CHUK: variants seen among roughly 807,000 people sequenced by gnomAD.
The protein encoded by CHUK is component of inhibitor of nuclear factor kappa B kinase complex.
In CHUK, 35 loss-of-function variants were observed where a neutral mutation model predicts 104.8. The observed-to-expected ratio is 0.33, with a 90% confidence interval of 0.26 to 0.44. The LOEUF is 0.44. Ranked by LOEUF, CHUK falls within the 20% of genes least tolerant of loss-of-function variation. The pLI is 1.00. For synonymous variants in CHUK, 276 were observed against 291.9 expected (o/e 0.95, Z 0.56); for missense variants, 663 against 902.7 (o/e 0.73, Z 3.40).
chr10:100,191,743 T>C (rs897616675), intron 19 of CHUK, among the ~76,000 whole-genome samples: 2 of 152,220 alleles, frequency 1.3e-5, no homozygotes, highest in African/African-American at 4.8e-5. Context: ...ATCCAACAGA[T>C]GGAAAAATTA....
In CHUK at chr10:100,209,793, T is replaced by A; in HGVS notation, c.934-4A>T. 8.0e-7 allele frequency: 1 copy of A among 1,248,982 alleles called. No individual in the cohort carries two copies. The highest frequency in any genetic ancestry group is 1.7e-5 in the Admixed American group (1 of 58,274). 77.4% of individuals were successfully genotyped at this position (1,248,982 alleles called of 1,614,324 possible). The stretch of plus-strand genomic sequence containing the variant: ...TCATATTTAGGATGTGTACTATCTG[T>A]ATAAATAAGAAAAAAAGGTAAAGTT... On this transcript the variant is annotated splice_region_variant and splice_polypyrimidine_tract_variant and intron_variant, in intron 9 of 20. Coordinates refer to ENST00000370397, the MANE Select transcript of CHUK (RefSeq NM_001278.5).
chr10:100,193,212 A>G, intron 19 of CHUK, 86 bp downstream of exon 19: 1 of 1,460,320 alleles, frequency 6.8e-7, no homozygotes, highest in Non-Finnish European at 9.6e-7. Context: ...GTCTGAAGGC[A>G]CAGAAGACTA....
chr10:100,228,871 A>C (rs1487338999), intron 1 of CHUK, among the ~76,000 whole-genome samples: 5 of 151,878 alleles, frequency 3.3e-5, no homozygotes, highest in African/African-American at 1.2e-4. Flanking sequence ...CCTGGAATAC[A>C]TCCCCAATTC....
At chr10:100,221,648 G>C (rs890967383) in intron 4 of CHUK, among the ~76,000 whole-genome samples, 1 of 151,908 alleles carries the variant, frequency 6.6e-6, no homozygotes. Flanking sequence ...GTTTCTTTTT[G>C]TGTGTGTGTG....
In CHUK at chr10:100,193,407, C is replaced by T. The variant is rs773085661; in HGVS notation, c.1999G>A (p.Val667Ile). The change falls in exon 19 of 21, where the codon GTA becomes ATA. Residue 667 changes from valine (V) to isoleucine (I), a missense_variant. Coordinates refer to ENST00000370397, the MANE Select transcript of CHUK (RefSeq NM_001278.5). Reference sequence around the variant, plus strand: ...ACTGCACCTTCTAGACTGGATCCTACAAGGGACCGGGCAGAACTCTGTGTC... The same window carrying T: ...ACTGCACCTTCTAGACTGGATCCTATAAGGGACCGGGCAGAACTCTGTGTC... ...ACTQSSARSL[V>I]GSSLEGAVTP... 1.2e-6 allele frequency: 2 copies of T among 1,614,070 alleles called. No individual in the cohort carries two copies. Among genetic ancestry groups the T allele is most frequent in the South Asian group, 2.2e-5 (2 of 91,088 alleles).
intron 16 of CHUK, among the ~76,000 whole-genome samples, chr10:100,199,379 T>G (rs980656996): frequency 6.6e-6 from 1 of 152,124 alleles, no homozygotes; most frequent in Non-Finnish European, 1.5e-5. Flanking sequence ...CAGGCTGGAG[T>G]GCAGTGGTGT....
chr10:100,213,362 T>G (rs1845773877), intron 9 of CHUK, among the ~76,000 whole-genome samples: 1 of 151,888 alleles, frequency 6.6e-6, no homozygotes, highest in Non-Finnish European at 1.5e-5. Context: ...CGCACACCTG[T>G]AATTCCAACT....
At chr10:100,224,364 C>T (rs1846057905) in intron 2 of CHUK, among the ~76,000 whole-genome samples, 1 of 152,216 alleles carries the variant, frequency 6.6e-6, no homozygotes, top group Admixed American at 6.5e-5. Context: ...AAGCCACTCC[C>T]AAATTCCTAA....
At chr10:100,201,185 G>A (rs1187722057) in intron 14 of CHUK, among the ~76,000 whole-genome samples, 1 of 152,090 alleles carries the variant, frequency 6.6e-6, no homozygotes, top group Non-Finnish European at 1.5e-5. Context: ...AAAAGATAAA[G>A]AACTTGGATT....
chr10:100,221,906 G>T (rs1371378623), intron 4 of CHUK, among the ~76,000 whole-genome samples: 1 of 152,128 alleles, frequency 6.6e-6, no homozygotes, highest in African/African-American at 2.4e-5. Context: ...AAAGTGCTGG[G>T]ATTACAGGCG....
At chr10:100,200,077 C>A (rs1845427322) in intron 15 of CHUK, 57 bp from the exon 16 acceptor site, 1 of 1,236,716 alleles carries the variant, frequency 8.1e-7, no homozygotes, top group Non-Finnish European at 1.2e-6. Flanking sequence ...CTTCAATAAT[C>A]TACAACTTGA....
Position 100,229,524 on chromosome 10 carries a change from C to G in CHUK, c.9G>C (p.Arg3=). 1 of 1,545,430 alleles carries G rather than the reference C, an allele frequency of 6.5e-7. No individual in the cohort carries two copies. The highest frequency in any genetic ancestry group is 2.4e-5 in the East Asian group (1 of 41,502). ME[R]PPGLRPGAGG... ...CCGCGCCCGGCCGCAGCCCCGGGGG[C>G]CGCTCCATGGGGCGGGAGGGCAAGC... The change falls in exon 1 of 21, where the codon CGG becomes CGC. Residue 3 remains arginine (R), a synonymous_variant. Transcript: ENST00000370397.
chr10:100,210,268 T>C (rs1845699863), intron 9 of CHUK, among the ~76,000 whole-genome samples: 2 of 151,024 alleles, frequency 1.3e-5, no homozygotes, highest in South Asian at 2.1e-4. Flanking sequence ...TTTGTATTTT[T>C]AGTAGAGACG....
intron 9 of CHUK, among the ~76,000 whole-genome samples, chr10:100,210,236 C>T (rs1470960047): frequency 2.0e-5 from 3 of 150,242 alleles, no homozygotes; most frequent in Admixed American, 6.6e-5. Flanking sequence ...TACAGGCGCC[C>T]GCCACTACGC....
intron 9 of CHUK, among the ~76,000 whole-genome samples, chr10:100,215,525 C>CA (rs145760870): frequency 0.068 from 10,060 of 147,968 alleles, 553 homozygotes; most frequent in African/African-American, 0.15. Context: ...AAAGAGGAGG[C>CA]AAAAAAAAAT....
intron 9 of CHUK, among the ~76,000 whole-genome samples, chr10:100,213,413 G>A (rs1326258088): frequency 1.3e-5 from 2 of 151,824 alleles, no homozygotes; most frequent in African/African-American, 2.4e-5. Context: ...TTGAGTCTGG[G>A]AGGTGAAAGT....
intron 11 of CHUK, among the ~76,000 whole-genome samples, chr10:100,205,404 T>C (rs1197389520): frequency 6.6e-6 from 1 of 152,144 alleles, no homozygotes; most frequent in African/African-American, 2.4e-5. Flanking sequence ...TAAGCCCCGC[T>C]CCACATACAA....
At chr10:100,212,801 T>TC (rs1793787516) in intron 9 of CHUK, among the ~76,000 whole-genome samples, 1 of 151,616 alleles carries the variant, frequency 6.6e-6, no homozygotes, top group South Asian at 2.1e-4. Flanking sequence ...GGTCAGGAGT[T>TC]CAAGACCAGC....
intron 5 of CHUK, among the ~76,000 whole-genome samples, chr10:100,219,995 A>T (rs1470419987): frequency 1.3e-5 from 2 of 152,038 alleles, no homozygotes; most frequent in Non-Finnish European, 2.9e-5. Flanking sequence ...CAAGGTTCAG[A>T]CTCTTGGCCT....
Sources: gnomAD v4.1 joint callset for allele counts (sites outside exome capture counted in the v4.1 genomes callset) on GRCh38, gnomAD v4.1.1 for gene constraint, MANE v1.5 for transcripts, NCBI Gene and HGNC (gene_info 2026-07-23, HGNC 2026-07-21) for gene names.